The following CYTIP variants were observed in gnomAD, a reference collection of about 807,000 sequenced individuals.
CYTIP encodes cytohesin 1 interacting protein, also known as cytohesin-interacting protein.
Under a neutral mutation model 43.8 loss-of-function variants are expected in CYTIP, and 26 were observed. That is an observed-to-expected ratio of 0.59 (90% CI 0.44 to 0.82). The LOEUF (loss-of-function observed/expected upper bound fraction) is 0.82. CYTIP is among the 40% of genes least tolerant of loss of function. The pLI is 0.00. For synonymous variants in CYTIP, 162 were observed against 162.9 expected (o/e 0.99, Z 0.04); for missense variants, 426 against 443.1 (o/e 0.96, Z 0.35).
chr2:157,416,164 T>C (rs1685438078), intron 7 of CYTIP, 21 bp from the exon 8 acceptor site: 1 of 1,571,222 alleles, frequency 6.4e-7, no homozygotes, highest in African/African-American at 1.4e-5. Flanking sequence ...AAGTCTACTG[T>C]GAAATGGATC....
intron 7 of CYTIP, 84 bp downstream of exon 7, chr2:157,418,439 G>T: frequency 1.5e-6 from 2 of 1,364,174 alleles, no homozygotes; most frequent in Non-Finnish European, 2.0e-6. Context: ...TTCTTATAAT[G>T]ATGATAATCT....
In CYTIP at chr2:157,434,423, T is replaced by C; in HGVS notation, c.226A>G (p.Lys76Glu). ...SLSDFSWSQR[K>E]LVTVEKQDNE... ...TCCTGCTTCTCCACAGTAACAAGCTTTCTGTAATAAAAATGTTTAAAAAAG... is the reference window on the plus strand; with the variant it reads ...TCCTGCTTCTCCACAGTAACAAGCTCTCTGTAATAAAAATGTTTAAAAAAG... The change falls in exon 3 of 8, where the codon AAG becomes GAG. Residue 76 changes from lysine to glutamate, a missense_variant and splice_region_variant. By Grantham distance (56) the Lys-to-Glu change is moderately conservative. Coordinates refer to ENST00000264192, the MANE Select transcript of CYTIP (RefSeq NM_004288.5). 1.9e-6 allele frequency: 3 copies of C among 1,610,038 alleles called. No individual in the cohort carries two copies. The highest frequency in any genetic ancestry group is 2.5e-6 in the Non-Finnish European group (3 of 1,177,534).
At chr2:157,419,230 C>A (rs1243767586) in intron 6 of CYTIP, among the ~76,000 whole-genome samples, 1 of 152,192 alleles carries the variant, frequency 6.6e-6, no homozygotes, top group Non-Finnish European at 1.5e-5. Context: ...GAACTCCTGA[C>A]CTCGTGATCT....
chr2:157,432,910 CAT>C (rs1457547822), intron 3 of CYTIP, among the ~76,000 whole-genome samples: 4 of 152,146 alleles, frequency 2.6e-5, no homozygotes, highest in African/African-American at 9.7e-5. Flanking sequence ...TGGGTTCCTG[CAT>C]CACTGAGATA....
At chr2:157,425,360 C>T (rs1297724036) in intron 6 of CYTIP, among the ~76,000 whole-genome samples, 1 of 152,104 alleles carries the variant, frequency 6.6e-6, no homozygotes, top group Non-Finnish European at 1.5e-5. Flanking sequence ...CAAACAACAG[C>T]AAACATATCA....
intron 1 of CYTIP, among the ~76,000 whole-genome samples, chr2:157,436,878 T>C (rs968470557): frequency 6.6e-6 from 1 of 152,186 alleles, no homozygotes; most frequent in Non-Finnish European, 1.5e-5. Context: ...TTCAACATTG[T>C]CCTTTATTAA....
At chr2:157,420,309 A>G (rs1029292725) in intron 6 of CYTIP, among the ~76,000 whole-genome samples, 77 of 152,322 alleles carry the variant, frequency 5.1e-4, no homozygotes, top group African/African-American at 1.8e-3. Context: ...TGAGGTCAGG[A>G]GTTCAAGACC....
At position 157,425,807 on chromosome 2, in the gene CYTIP, A is replaced by G. The variant is rs921906075; in HGVS notation, c.546+1544T>C. ...ACAAATTAACTTTAAATTCAAGTAC[A>G]ATATGAACCACTGTTTACCCCTCAT... is the stretch of plus-strand genomic sequence containing the variant. On this transcript the variant is annotated intron_variant, in intron 6 of 7. Coordinates refer to ENST00000264192, the MANE Select transcript of CYTIP (RefSeq NM_004288.5). Among the ~76,000 whole-genome samples, 5 of 151,960 alleles carry G rather than the reference A, an allele frequency of 3.3e-5. 1 individual carries two copies. In the East Asian group the frequency reaches 9.6e-4, roughly 29 times the overall value.
intron 6 of CYTIP, among the ~76,000 whole-genome samples, chr2:157,423,388 G>A (rs1248006378): frequency 1.3e-5 from 2 of 151,654 alleles, no homozygotes; most frequent in Non-Finnish European, 2.9e-5. Context: ...TAAAACATCA[G>A]AATAATATTT....
Position 157,434,758 on chromosome 2 carries a change from C to A in CYTIP, c.175-11G>T. ...TCTGGTCAAAGCAAGCTGAAAAACA[C>A]AAAAGACATATAGTTATCCCAGGGT... is the stretch of plus-strand genomic sequence containing the variant. On this transcript the variant is annotated splice_polypyrimidine_tract_variant and intron_variant, in intron 1 of 7. Transcript: ENST00000264192. 9 of 1,603,972 alleles carry A rather than the reference C, an allele frequency of 5.6e-6. No homozygotes were observed. The highest frequency in any genetic ancestry group is 6.8e-6 in the Non-Finnish European group (8 of 1,173,672).
chr2:157,435,621 T>C (rs1420606876), intron 1 of CYTIP, among the ~76,000 whole-genome samples: 2 of 152,154 alleles, frequency 1.3e-5, no homozygotes. Context: ...TTTTGTGTTT[T>C]TTTGGTCGGT....
chr2:157,428,710 C>T (rs1393165020), intron 5 of CYTIP, among the ~76,000 whole-genome samples: 5 of 152,232 alleles, frequency 3.3e-5, no homozygotes, highest in Admixed American at 6.5e-5. Flanking sequence ...AGACTCTGCA[C>T]GGTTCCTCTC....
intron 5 of CYTIP, among the ~76,000 whole-genome samples, chr2:157,427,691 T>C (rs1196410103): frequency 1.3e-5 from 2 of 152,238 alleles, no homozygotes; most frequent in Non-Finnish European, 2.9e-5. Context: ...GCTTATTTTA[T>C]AGAAGTCACT....
In CYTIP at chr2:157,444,089, C is replaced by G; in HGVS notation, c.-69G>C. ...TGCAGGATGGGGGAAGCTAAAAGTA[C>G]AACTGTGACAAGTAATCAAAAGTAG... On this transcript the variant is annotated 5_prime_UTR_variant, in exon 1 of 8. Coordinates refer to ENST00000264192, the MANE Select transcript of CYTIP (RefSeq NM_004288.5). The G allele has an allele frequency of 1.3e-6, 2 of 1,483,004 alleles. No individual in the cohort carries two copies. The highest frequency in any genetic ancestry group is 1.8e-6 in the Non-Finnish European group (2 of 1,081,780). 91.9% of individuals were successfully genotyped at this position (1,483,004 alleles called of 1,614,324 possible).
At position 157,434,847 on chromosome 2, in the gene CYTIP, T is replaced by TCACA. The variant is rs1228712951; in HGVS notation, c.175-101_175-100insTGTG. ...CTCTCTCTCTCTCTCTCTCTCTCTC[T>TCACA]CTCACACACACACACACACACACAC... On this transcript the variant is annotated intron_variant, in intron 1 of 7. Transcript: ENST00000264192. The TCACA allele has an allele frequency of 4.2e-3, 585 of 140,718 alleles. 5 individuals carry two copies. The highest frequency in any genetic ancestry group is 6.3e-3 in the East Asian group (33 of 5,200). 8.7% of individuals were successfully genotyped at this position (140,718 alleles called of 1,614,324 possible). A position where few individuals can be genotyped will look rare whatever the true frequency, so the allele number is the denominator to read the frequency against.
At chr2:157,439,055 C>A (rs571197301) in intron 1 of CYTIP, 116 of 222,372 alleles carry the variant, frequency 5.2e-4, no homozygotes, top group Non-Finnish European at 5.2e-4. Context: ...TCTAACCTTT[C>A]TATCTAGCTA....
intron 2 of CYTIP, 121 bp from the exon 3 acceptor site, chr2:157,434,545 T>C: frequency 2.1e-6 from 2 of 934,632 alleles, no homozygotes; most frequent in Non-Finnish European, 3.4e-6. Context: ...TAAATTGTAG[T>C]ATGTAAGATT....
At chr2:157,434,526 A>G (rs1269790338) in intron 2 of CYTIP, 102 bp from the exon 3 acceptor site, 1 of 1,046,804 alleles carries the variant, frequency 9.6e-7, no homozygotes. Context: ...AAAATAACTG[A>G]CATTTATGTA....
chr2:157,422,320 G>T (rs1206945474), intron 6 of CYTIP, among the ~76,000 whole-genome samples: 2 of 152,130 alleles, frequency 1.3e-5, no homozygotes. Flanking sequence ...TGATAAAAAA[G>T]ATAATAAAAT....
Sources: allele counts gnomAD v4.1 joint callset (sites outside exome capture counted in the v4.1 genomes callset), GRCh38; gene constraint gnomAD v4.1.1; transcripts MANE v1.5; gene names NCBI Gene and HGNC (gene_info 2026-07-23, HGNC 2026-07-21).